LSG1: variants seen among roughly 807,000 people sequenced by gnomAD.
The protein encoded by LSG1 is large 60S subunit nuclear export GTPase 1.
A neutral mutation model predicts 82.6 loss-of-function variants in LSG1; 55 were observed. The ratio of observed to expected loss-of-function variants is 0.67; its 90% CI spans 0.54 to 0.83. The LOEUF (loss-of-function observed/expected upper bound fraction) is 0.83, where lower values mean the gene tolerates loss of function less well. Among genes scored for constraint, LSG1 ranks in the 40% least tolerant of loss-of-function variants. The pLI, the probability that LSG1 is intolerant of heterozygous loss-of-function variation, is 0.00. For missense variants in LSG1, 809 were observed against 807.9 expected (o/e 1.00, Z -0.02); for synonymous variants, 272 against 282.5 (o/e 0.96, Z 0.37).
intron 8 of LSG1, among the ~76,000 whole-genome samples, chr3:194,652,051 C>G (rs1252408147): frequency 6.6e-6 from 1 of 152,156 alleles, no homozygotes; most frequent in Non-Finnish European, 1.5e-5. Context: ...AACTGAAAAG[C>G]TGGGAGACTT....
rs948695900 is a variant in LSG1 at position 194,642,010 on chromosome 3, C to T, written c.*58G>A. The T allele has an allele frequency of 6.4e-7, 1 of 1,567,004 alleles. No homozygotes were observed. Among genetic ancestry groups the T allele is most frequent in the East Asian group, 2.2e-5 (1 of 44,578 alleles). The stretch of plus-strand genomic sequence containing the variant: ...TTGGGACGGTTCCACAGGCAACAGG[C>T]AGCTTCTGCTCTTTTCCATCTGCAC... On this transcript the variant is annotated 3_prime_UTR_variant, in exon 14 of 14. Coordinates refer to ENST00000265245, the MANE Select transcript of LSG1 (RefSeq NM_018385.3).
At chr3:194,654,798 A>C (rs1718759709) in intron 7 of LSG1, among the ~76,000 whole-genome samples, 1 of 152,208 alleles carries the variant, frequency 6.6e-6, no homozygotes, top group African/African-American at 2.4e-5. Context: ...GAAAGAAGGA[A>C]AAAGTCAAGC....
In LSG1 at chr3:194,646,036, C is replaced by T. The variant is rs1430659610; in HGVS notation, c.1623+128G>A. On this transcript the variant is annotated intron_variant, in intron 12 of 13. Coordinates refer to ENST00000265245, the MANE Select transcript of LSG1 (RefSeq NM_018385.3). ...CCATATAATGTTAACTACCCTACAT[C>T]AAGAACACAACTCCAGTTTCAATGA... 5 of 882,820 alleles carry T rather than the reference C, an allele frequency of 5.7e-6. No homozygotes were observed. In the East Asian group the frequency reaches 9.9e-5, roughly 18 times the overall value. The allele number at this position is 882,820 out of a possible 1,614,324, so 54.7% of individuals were successfully genotyped here.
chr3:194,651,072 G>A lies in LSG1; in HGVS notation c.1275+43C>T, dbSNP rs1718664065. On this transcript the variant is annotated intron_variant, in intron 9 of 13. Coordinates refer to ENST00000265245, the MANE Select transcript of LSG1 (RefSeq NM_018385.3). Reference sequence around the variant, plus strand: ...GAGCTGGGTATACAACAGATAAAAGGAAGAAAGAGCTGCATGCAAGTGGCA... The same window carrying A: ...GAGCTGGGTATACAACAGATAAAAGAAAGAAAGAGCTGCATGCAAGTGGCA... 4 of 1,614,064 alleles carry A rather than the reference G, an allele frequency of 2.5e-6. No homozygotes were observed. In the East Asian group the frequency reaches 6.7e-5, roughly 27 times the overall value.
At chr3:194,667,343 A>G (rs1987022) in intron 2 of LSG1, among the ~76,000 whole-genome samples, 97,974 of 151,914 alleles carry the variant, frequency 0.64, 32,355 homozygotes, top group East Asian at 0.87. Flanking sequence ...GAGCCACCGC[A>G]CCCAGCCTGC....
chr3:194,642,320 G>GTC, intron 13 of LSG1, 73 bp from the exon 14 acceptor site: 1 of 1,298,740 alleles, frequency 7.7e-7, no homozygotes, highest in South Asian at 1.5e-5. Flanking sequence ...AGTACTATTA[G>GTC]TGGATCACTT....
rs762473967 is a variant in LSG1 at position 194,646,158 on chromosome 3, ACTTACAC to A, written c.1622_1623+5del. ...TTGGAGAGCATGAGAGGCAGGGTTC[ACTTACAC>A]TGACATAGTCCTTCAGGATGTAGCG... On this transcript the variant is annotated splice_donor_variant and splice_donor_5th_base_variant and coding_sequence_variant and intron_variant, in exon 12 of 14. Coordinates refer to ENST00000265245, the MANE Select transcript of LSG1 (RefSeq NM_018385.3). LOFTEE classifies it high-confidence loss of function. 6.2e-7 allele frequency: 1 copy of A among 1,613,696 alleles called. No individual in the cohort carries two copies.
chr3:194,659,134 C>T lies in LSG1; in HGVS notation c.583-1G>A. 1 of 1,608,780 alleles carries T rather than the reference C, an allele frequency of 6.2e-7. No individual in the cohort carries two copies. Among genetic ancestry groups the T allele is most frequent in the Non-Finnish European group, 8.5e-7 (1 of 1,176,052 alleles). ...CATCCATTTCTTTCACATAACATTCCTAAGCAAGACAAAGAGATTTAGAAA... is the reference window on the plus strand; with the variant it reads ...CATCCATTTCTTTCACATAACATTCTTAAGCAAGACAAAGAGATTTAGAAA... On this transcript the variant is annotated splice_acceptor_variant, in intron 6 of 13. Transcript: ENST00000265245. LOFTEE classifies it high-confidence loss of function.
intron 12 of LSG1, 118 bp from the exon 13 acceptor site, chr3:194,644,864 G>T: frequency 1.3e-6 from 1 of 750,352 alleles, no homozygotes. Context: ...TAAGTTAGCT[G>T]AGTTGAGTTT....
At chr3:194,668,297 A>C (rs1719074033) in intron 2 of LSG1, among the ~76,000 whole-genome samples, 1 of 152,106 alleles carries the variant, frequency 6.6e-6, no homozygotes, top group Non-Finnish European at 1.5e-5. Context: ...TATACCCAGG[A>C]GTGGGACTGC....
At chr3:194,654,033 T>C (rs1018178929) in intron 7 of LSG1, among the ~76,000 whole-genome samples, 1 of 152,102 alleles carries the variant, frequency 6.6e-6, no homozygotes, top group African/African-American at 2.4e-5. Flanking sequence ...ACATTTAACA[T>C]ACTCCTCTCT....
rs1353176776 is a variant in LSG1 at position 194,666,325 on chromosome 3, T to A, written c.348-36A>T. 6 of 1,607,574 alleles carry A rather than the reference T, an allele frequency of 3.7e-6. No homozygotes were observed. The African/African-American group carries it at 5.4e-5, about 14-fold the overall frequency. On this transcript the variant is annotated intron_variant, in intron 3 of 13. Coordinates refer to ENST00000265245, the MANE Select transcript of LSG1 (RefSeq NM_018385.3). ...CATAGAAGGAAAAAAATTCCTCATA[T>A]AAGTAACCAAAATAAAATAGGTAAT... is the stretch of plus-strand genomic sequence containing the variant.
chr3:194,654,749 A>C (rs147244367), intron 7 of LSG1, among the ~76,000 whole-genome samples: 66 of 152,342 alleles, frequency 4.3e-4, no homozygotes, highest in African/African-American at 1.6e-3. Flanking sequence ...TACTAAAGAC[A>C]ATCAAAGGAC....
At chr3:194,666,316 T>C (rs1185825653) in intron 3 of LSG1, 27 bp from the exon 4 acceptor site, 1 of 1,610,250 alleles carries the variant, frequency 6.2e-7, no homozygotes, top group Admixed American at 1.7e-5. Flanking sequence ...AGGAAAAAAA[T>C]TCCTCATATA....
chr3:194,649,002 A>C (rs1349106470), intron 10 of LSG1, 198 bp from the exon 11 acceptor site: 1 of 488,574 alleles, frequency 2.0e-6, no homozygotes, highest in African/African-American at 2.0e-5. Context: ...AGCTCCCACG[A>C]CTTTTCCATA....
intron 7 of LSG1, among the ~76,000 whole-genome samples, chr3:194,653,519 A>C (rs76074964): frequency 1.4e-4 from 17 of 122,002 alleles, no homozygotes; most frequent in Non-Finnish European, 1.1e-4. Flanking sequence ...GTCTCACAAA[A>C]AAAAAAAAAA....
intron 5 of LSG1, among the ~76,000 whole-genome samples, chr3:194,662,691 G>A (rs1718958023): frequency 1.3e-5 from 2 of 152,198 alleles, no homozygotes; most frequent in African/African-American, 4.8e-5. Context: ...GAACCCAGGA[G>A]GTGGAGATTG....
At chr3:194,667,565 A>G (rs973857492) in intron 2 of LSG1, among the ~76,000 whole-genome samples, 1 of 152,000 alleles carries the variant, frequency 6.6e-6, no homozygotes, top group African/African-American at 2.4e-5. Context: ...CTGTTTCTCT[A>G]GATTCCAGCT....
chr3:194,646,377 T>C (rs1226542366), intron 11 of LSG1, 134 bp from the exon 12 acceptor site: 2 of 622,498 alleles, frequency 3.2e-6, no homozygotes, highest in Admixed American at 2.8e-5. Context: ...TTGTAGAATA[T>C]ATATTGTTTA....
Sources: allele counts gnomAD v4.1 joint callset (sites outside exome capture counted in the v4.1 genomes callset), GRCh38; gene constraint gnomAD v4.1.1; transcripts MANE v1.5; gene names NCBI Gene and HGNC (gene_info 2026-07-23, HGNC 2026-07-21).